The following XIRP2 variants were observed in gnomAD, a reference collection of about 807,000 sequenced individuals.
XIRP2 encodes xin actin binding repeat containing 2, also known as xin actin-binding repeat-containing protein 2.
Under a neutral mutation model 277.0 loss-of-function variants are expected in XIRP2, and 236 were observed. That is an observed-to-expected ratio of 0.85 (90% CI 0.77 to 0.95). The LOEUF is 0.95. XIRP2 is among the 40% of genes least tolerant of loss of function. The probability of loss-of-function intolerance (pLI) is 0.00; values close to 1 mark genes in which losing one functional copy is unlikely to be tolerated. For synonymous variants in XIRP2, 1,490 were observed against 1,416.5 expected, an observed-to-expected ratio of 1.05 and a Z score of -1.17; for missense variants, 4,640 against 4,157.5, an observed-to-expected ratio of 1.12 and a Z score of -3.19.
chr2:167,000,451 T>C (rs1446688219), intron 2 of XIRP2, among the ~76,000 whole-genome samples: 1 of 152,034 alleles, frequency 6.6e-6, no homozygotes, highest in East Asian at 1.9e-4. Context: ...TCTTTTAAAT[T>C]GGTAGTTAGA....
intron 5 of XIRP2, among the ~76,000 whole-genome samples, chr2:167,219,107 A>G (rs773782636): frequency 1.3e-4 from 20 of 152,154 alleles, no homozygotes; most frequent in South Asian, 1.2e-3. Flanking sequence ...AAATGAAGCA[A>G]TTGCGTGCTA....
rs1559037264 is a variant in XIRP2, at chr2:167,242,858, A to G, written c.1466A>G (p.Tyr489Cys). 1 of 1,614,162 alleles carries G rather than the reference A, an allele frequency of 6.2e-7. No homozygotes were observed. The highest frequency in any genetic ancestry group is 8.5e-7 in the Non-Finnish European group (1 of 1,180,006). The change falls in exon 9 of 11, where the codon TAT (tyrosine) becomes TGT (cysteine). Residue 489 changes from tyrosine to cysteine, a missense_variant. Physicochemically the swap from Tyr to Cys is radical, Grantham distance 194. Coordinates refer to ENST00000409195, the MANE Select transcript of XIRP2 (RefSeq NM_152381.6). Reference sequence around the variant, plus strand: ...AGACTACCAGTCCCCAAAGATGTATATTCCAAGCAAAGAAATTTGTATGAA... The same window carrying G: ...AGACTACCAGTCCCCAAAGATGTATGTTCCAAGCAAAGAAATTTGTATGAA... ...PRRLPVPKDVYSKQRNLYELN... is the reference protein window; with the variant it reads ...PRRLPVPKDVCSKQRNLYELN...
At chr2:167,209,580 G>C (rs1213160933) in intron 3 of XIRP2, among the ~76,000 whole-genome samples, 2 of 152,030 alleles carry the variant, frequency 1.3e-5, no homozygotes, top group Non-Finnish European at 2.9e-5. Flanking sequence ...AGCCCTAAGA[G>C]TGAAGGCAGG....
In XIRP2 at chr2:167,009,620, G is replaced by A. The variant is rs981926932; in HGVS notation, c.408+105730G>A. Among the ~76,000 whole-genome samples the A allele has an allele frequency of 1.2e-3, 185 of 151,986 alleles. 1 individual carries two copies. The highest frequency in any genetic ancestry group is 3.2e-3 in the Middle Eastern group (1 of 316). On this transcript the variant is annotated intron_variant, in intron 2 of 10. Transcript: ENST00000409195. ...GGGTCAAATGGTATTTCTAGTTCTA[G>A]ATCCCTGAGGAATCGCCACACTGAC...
chr2:167,071,123 A>T (rs1689427067), intron 2 of XIRP2, among the ~76,000 whole-genome samples: 1 of 152,238 alleles, frequency 6.6e-6, no homozygotes, highest in Non-Finnish European at 1.5e-5. Context: ...AAGGGTTATT[A>T]GCACTCTCCT....
At chr2:167,188,043 C>T (rs1208960511) in intron 3 of XIRP2, among the ~76,000 whole-genome samples, 1 of 152,130 alleles carries the variant, frequency 6.6e-6, no homozygotes, top group Non-Finnish European at 1.5e-5. Context: ...AGTCTCATCT[C>T]CTCTGGGAGT....
At chr2:167,155,003 G>A (rs1482804008) in intron 3 of XIRP2, among the ~76,000 whole-genome samples, 1 of 151,736 alleles carries the variant, frequency 6.6e-6, no homozygotes, top group Non-Finnish European at 1.5e-5. Flanking sequence ...TAGAAGAAAT[G>A]GATAAATTCC....
intron 2 of XIRP2, among the ~76,000 whole-genome samples, chr2:167,105,136 G>A (rs987929688): frequency 6.6e-6 from 1 of 151,878 alleles, no homozygotes; most frequent in East Asian, 1.9e-4. Context: ...ACACAGAATT[G>A]TAAGAAATAA....
chr2:166,958,056 T>A (rs1686207965), intron 2 of XIRP2, among the ~76,000 whole-genome samples: 1 of 151,828 alleles, frequency 6.6e-6, no homozygotes, highest in Admixed American at 6.6e-5. Flanking sequence ...GATCTTGGAA[T>A]CTAAGAGTGG....
chr2:166,934,066 G>C (rs1009948853), intron 2 of XIRP2, among the ~76,000 whole-genome samples: 1 of 151,874 alleles, frequency 6.6e-6, no homozygotes. Flanking sequence ...CTACCTTCTA[G>C]TATTCAAGCC....
chr2:167,079,613 G>T (rs1228219512), intron 2 of XIRP2, among the ~76,000 whole-genome samples: 2 of 151,964 alleles, frequency 1.3e-5, no homozygotes, highest in East Asian at 3.9e-4. Flanking sequence ...CAACTTCCTA[G>T]TTTATGTGCA....
intron 2 of XIRP2, among the ~76,000 whole-genome samples, chr2:167,083,204 CT>C (rs1242783887): frequency 6.6e-6 from 1 of 152,066 alleles, no homozygotes; most frequent in Non-Finnish European, 1.5e-5. Context: ...ATAGGGAATC[CT>C]TTCCCCATTG....
chr2:166,889,505 T>G (rs1220565425), intron 1 of XIRP2: 2 of 152,592 alleles, frequency 1.3e-5, no homozygotes, highest in African/African-American at 4.8e-5. Context: ...GTTTATTTAT[T>G]CAAGGGGAGC....
intron 2 of XIRP2, among the ~76,000 whole-genome samples, chr2:167,043,456 T>C (rs1688714373): frequency 6.6e-6 from 1 of 151,966 alleles, no homozygotes; most frequent in Middle Eastern, 3.4e-3. Context: ...GCTAGACTAA[T>C]AAAGAAAAAA....
At chr2:167,118,877 C>A (rs1690973126) in intron 2 of XIRP2, among the ~76,000 whole-genome samples, 1 of 151,948 alleles carries the variant, frequency 6.6e-6, no homozygotes, top group African/African-American at 2.4e-5. Flanking sequence ...GGACTAAGAC[C>A]AAGAAATAAG....
intron 2 of XIRP2, among the ~76,000 whole-genome samples, chr2:166,961,468 A>G (rs548046154): frequency 4.0e-5 from 6 of 151,822 alleles, no homozygotes; most frequent in Non-Finnish European, 8.8e-5. Flanking sequence ...CAAATCTGAC[A>G]GCTGAATTAG....
chr2:167,034,147 A>G (rs1377177936), intron 2 of XIRP2, among the ~76,000 whole-genome samples: 1 of 152,184 alleles, frequency 6.6e-6, no homozygotes. Flanking sequence ...GATGAAGTTA[A>G]AGTGTAGGGG....
At chr2:167,253,838 T>C (rs1311082818) in intron 9 of XIRP2, among the ~76,000 whole-genome samples, 194 bp from the exon 10 acceptor site, 1 of 151,474 alleles carries the variant, frequency 6.6e-6, no homozygotes, top group African/African-American at 2.4e-5. Context: ...ACTAGAGTAA[T>C]GTAGACCATC....
In XIRP2 at chr2:167,247,058, A is replaced by G. The variant is rs369990028; in HGVS notation, c.5666A>G (p.Asp1889Gly). The G allele has an allele frequency of 4.3e-6, 7 of 1,612,958 alleles. No individual in the cohort carries two copies. In the Admixed American group the frequency reaches 6.7e-5, roughly 15 times the overall value. The change falls in exon 9 of 11, where the codon GAT becomes GGT. Residue 1889 changes from aspartate (D) to glycine (G), a missense_variant. Asp to Gly is a moderately conservative substitution (Grantham distance 94, BLOSUM62 -1). Transcript: ENST00000409195. ...CGATGGAAAGAATCTAAACAGCCTG[A>G]TGCCATCCCTGGTGATATTGAAAAA... ...SHRWKESKQP[D>G]AIPGDIEKAI...
Sources: gnomAD v4.1 joint callset for allele counts (sites outside exome capture counted in the v4.1 genomes callset) on GRCh38, gnomAD v4.1.1 for gene constraint, MANE v1.5 for transcripts, NCBI Gene and HGNC (gene_info 2026-07-23, HGNC 2026-07-21) for gene names.